Variants in KIAA0753 observed in about 807,000 individuals in gnomAD.
KIAA0753 encodes protein moonraker.
KIAA0753 carries 114 observed loss-of-function variants against 116.9 expected under a neutral mutation model. The ratio of observed to expected loss-of-function variants is 0.98; its 90% CI spans 0.84 to 1.14. The LOEUF is 1.14. Among genes scored for constraint, KIAA0753 ranks in the 50% most tolerant of loss-of-function variants. KIAA0753 has a pLI of 0.00. For missense variants in KIAA0753, 1,156 were observed against 1,172.4 expected (o/e 0.99, Z 0.20); for synonymous variants, 405 against 413.1 (o/e 0.98, Z 0.24).
intron 14 of KIAA0753, 122 bp from the exon 15 acceptor site, chr17:6,596,465 A>G: frequency 2.8e-6 from 2 of 722,792 alleles, no homozygotes; most frequent in Non-Finnish European, 4.5e-6. Flanking sequence ...CAGCATACAG[A>G]TCCAAATGGC....
At chr17:6,579,933 A>G (rs559613126) in intron 18 of KIAA0753, 69 bp from the exon 19 acceptor site, 15 of 1,192,098 alleles carry the variant, frequency 1.3e-5, no homozygotes, top group South Asian at 1.2e-4. Context: ...CTGTCATCCC[A>G]GCACTTTGGG....
chr17:6,638,898 A>C (rs554558846), intron 1 of KIAA0753: 2 of 152,596 alleles, frequency 1.3e-5, no homozygotes, highest in East Asian at 3.9e-4. Context: ...GGCCTGGGGC[A>C]CCCCCAGAAC....
At chr17:6,610,878 C>A (rs574210262) in intron 8 of KIAA0753, among the ~76,000 whole-genome samples, 8 of 152,226 alleles carry the variant, frequency 5.3e-5, no homozygotes, top group African/African-American at 1.7e-4. Flanking sequence ...AGAGGCGCAC[C>A]CATCTGAATT....
intron 12 of KIAA0753, among the ~76,000 whole-genome samples, chr17:6,606,577 C>T (rs1336842352): frequency 2.0e-5 from 3 of 152,226 alleles, no homozygotes; most frequent in Admixed American, 1.3e-4. Context: ...GAAGGACTGA[C>T]ATCTGGCTAG....
At chr17:6,609,934 T>G (rs971124775) in intron 9 of KIAA0753, 60 bp downstream of exon 9, 1 of 1,574,808 alleles carries the variant, frequency 6.3e-7, no homozygotes, top group Non-Finnish European at 8.7e-7. Context: ...CAGGTCACCT[T>G]TGATATATGG....
In KIAA0753 at chr17:6,623,567, T is replaced by C. The variant is rs1971466520; in HGVS notation, c.830A>G (p.Lys277Arg). 1 of 1,610,594 alleles carries C rather than the reference T, an allele frequency of 6.2e-7. No individual in the cohort carries two copies. Among genetic ancestry groups the C allele is most frequent in the Non-Finnish European group, 8.5e-7 (1 of 1,178,512 alleles). The part of the protein sequence containing the change: ...RMLYVLQQQV[K>R]EIQEELDKLS... ...TTTATCCAATTCTTCCTGGATTTCTTTTACCTGTTTTGTAAAGGGGAAAAA... is the reference window on the plus strand; with the variant it reads ...TTTATCCAATTCTTCCTGGATTTCTCTTACCTGTTTTGTAAAGGGGAAAAA... The change falls in exon 5 of 19, where the codon AAA becomes AGA. Residue 277 changes from lysine to arginine, a missense_variant. Coordinates refer to ENST00000361413, the MANE Select transcript of KIAA0753 (RefSeq NM_014804.3).
At chr17:6,591,065 GAAGAAGAAGAA>G (rs1567540882) in intron 16 of KIAA0753, among the ~76,000 whole-genome samples, 18 of 80,800 alleles carry the variant, frequency 2.2e-4, no homozygotes, top group Middle Eastern at 5.7e-3. Flanking sequence ...AGAAGAAGAA[GAAGAAGAAGAA>G]GAAGAAGAAG....
intron 3 of KIAA0753, among the ~76,000 whole-genome samples, chr17:6,625,534 G>A (rs1971609362): frequency 6.6e-6 from 1 of 151,884 alleles, no homozygotes; most frequent in Admixed American, 6.6e-5. Flanking sequence ...AGGCGTGGTG[G>A]TGTGCACCTG....
rs753597609 is a variant in KIAA0753 at position 6,624,816 on chromosome 17, CG to C, written c.763del (p.Arg255ValfsTer22). On this transcript the variant is annotated frameshift_variant, in exon 4 of 19. Coordinates refer to ENST00000361413, the MANE Select transcript of KIAA0753 (RefSeq NM_014804.3). LOFTEE classifies it high-confidence loss of function. ...ALDPDEERRIRIRRQEQAARS... is the reference protein window; with the variant it reads ...ALDPDEERRIXIRRQEQAARS... ...AGCAGCTTGCTCCTGTCTCCTGATA[CG>C]GATTCGACGTTCTTCATCTGGATCC... 1 of 1,563,184 alleles carries C rather than the reference CG, an allele frequency of 6.4e-7. No individual in the cohort carries two copies. Among genetic ancestry groups the C allele is most frequent in the Non-Finnish European group, 8.7e-7 (1 of 1,151,748 alleles).
intron 18 of KIAA0753, among the ~76,000 whole-genome samples, chr17:6,583,885 T>C (rs779793807): frequency 2.0e-5 from 3 of 152,250 alleles, no homozygotes; most frequent in Non-Finnish European, 4.4e-5. Flanking sequence ...TACTAGACAA[T>C]GTATTCAACA....
chr17:6,609,104 A>T (rs905030861), intron 9 of KIAA0753, among the ~76,000 whole-genome samples: 2 of 152,224 alleles, frequency 1.3e-5, no homozygotes, highest in Non-Finnish European at 2.9e-5. Context: ...CCTTAACTTG[A>T]AAATGAGAGT....
At position 6,635,178 on chromosome 17, in the gene KIAA0753, C is replaced by T. The variant is rs534241562; in HGVS notation, c.-68-7G>A. ...GTCTTCCCTAAAACCATTCCTAAAA[C>T]GAAACAAAGCTACTTCAGACCAACA... On this transcript the variant is annotated splice_polypyrimidine_tract_variant and splice_region_variant and intron_variant, in intron 1 of 18. Coordinates refer to ENST00000361413, the MANE Select transcript of KIAA0753 (RefSeq NM_014804.3). 9.2e-6 allele frequency: 10 copies of T among 1,092,678 alleles called. No individual in the cohort carries two copies. The East Asian group carries it at 1.2e-4, about 13-fold the overall frequency. 67.7% of individuals were successfully genotyped at this position (1,092,678 alleles called of 1,614,324 possible).
chr17:6,580,317 T>TCAAGA (rs398070870), intron 18 of KIAA0753, among the ~76,000 whole-genome samples: 3 of 125,822 alleles, frequency 2.4e-5, no homozygotes, highest in Admixed American at 8.2e-5. Context: ...GCCAAGATAC[T>TCAAGA]TTTTTTTTTT....
intron 18 of KIAA0753, among the ~76,000 whole-genome samples, chr17:6,586,708 C>T (rs1312603361): frequency 2.0e-5 from 3 of 152,200 alleles, no homozygotes; most frequent in Non-Finnish European, 4.4e-5. Flanking sequence ...AGCACTGTCA[C>T]CTTAAGCCTT....
At chr17:6,580,859 G>A (rs953805752) in intron 18 of KIAA0753, among the ~76,000 whole-genome samples, 24 of 151,322 alleles carry the variant, frequency 1.6e-4, no homozygotes, top group African/African-American at 5.8e-4. Flanking sequence ...TGTAGGAGAC[G>A]GGGGAGGACA....
chr17:6,588,020 A>G (rs750154001), intron 18 of KIAA0753, among the ~76,000 whole-genome samples: 5 of 152,156 alleles, frequency 3.3e-5, no homozygotes, highest in Non-Finnish European at 5.9e-5. Flanking sequence ...GTGAAGGCTC[A>G]GGAAGTTAAG....
intron 3 of KIAA0753, among the ~76,000 whole-genome samples, chr17:6,627,039 CATG>C (rs1485273517): frequency 1.3e-5 from 2 of 152,158 alleles, no homozygotes; most frequent in East Asian, 3.8e-4. Context: ...TTGAATTGTT[CATG>C]ATATTATACA....
chr17:6,594,905 C>T, intron 16 of KIAA0753, 67 bp downstream of exon 16: 9 of 1,266,404 alleles, frequency 7.1e-6, no homozygotes, highest in Admixed American at 5.8e-5. Context: ...ACAATTTTTT[C>T]AATTTTCTGT....
In KIAA0753 at chr17:6,610,082, T is replaced by C. The variant is rs1399802200; in HGVS notation, c.1624A>G (p.Arg542Gly). ...SRVQQTTVSSRLKMNRQPVKD... is the reference protein window; with the variant it reads ...SRVQQTTVSSGLKMNRQPVKD... ...ACAGGCTGCCGGTTCATTTTTAATC[T>C]GGATGAAACTGTTGTCTGCTGCACT... The change falls in exon 9 of 19, where the codon AGA becomes GGA. Residue 542 changes from arginine (R) to glycine (G), a missense_variant. Coordinates refer to ENST00000361413, the MANE Select transcript of KIAA0753 (RefSeq NM_014804.3). 6.2e-7 allele frequency: 1 copy of C among 1,614,132 alleles called. No individual in the cohort carries two copies. The highest frequency in any genetic ancestry group is 8.5e-7 in the Non-Finnish European group (1 of 1,180,012).
Sources: gnomAD v4.1 joint callset for allele counts (sites outside exome capture counted in the v4.1 genomes callset) on GRCh38, gnomAD v4.1.1 for gene constraint, MANE v1.5 for transcripts, NCBI Gene and HGNC (gene_info 2026-07-23, HGNC 2026-07-21) for gene names.